The following WASF3 variants were observed in gnomAD, a reference collection of about 807,000 sequenced individuals.
The protein encoded by WASF3 is WASP family member 3.
In WASF3, 11 loss-of-function variants were observed where a neutral mutation model predicts 46.6. The ratio of observed to expected loss-of-function variants is 0.24; its 90% CI spans 0.15 to 0.39. The LOEUF is 0.39. Ranked by LOEUF, WASF3 falls within the 10% of genes least tolerant of loss-of-function variation. The pLI, the probability that WASF3 is intolerant of heterozygous loss-of-function variation, is 1.00. For missense variants in WASF3, 576 were observed against 669.8 expected, an observed-to-expected ratio of 0.86 and a Z score of 1.55; for synonymous variants, 242 against 259.7, an observed-to-expected ratio of 0.93 and a Z score of 0.65.
rs936264962 is a variant in WASF3, at chr13:26,687,968, A to G, written c.*2123A>G. On this transcript the variant is annotated 3_prime_UTR_variant, in exon 10 of 10. Coordinates refer to ENST00000335327, the MANE Select transcript of WASF3 (RefSeq NM_006646.6). ...TTTATTCTATTTATATCTTATTACAATAAAATTAGTGGCACTTTATTCATA... is the reference window on the plus strand; with the variant it reads ...TTTATTCTATTTATATCTTATTACAGTAAAATTAGTGGCACTTTATTCATA... The G allele has an allele frequency of 1.3e-5, 2 of 152,124 alleles. No homozygotes were observed. Among genetic ancestry groups the G allele is most frequent in the Non-Finnish European group, 2.9e-5 (2 of 68,018 alleles). The allele number at this position is 152,124 out of a possible 1,614,324, so 9.4% of individuals were successfully genotyped here.
At chr13:26,619,709 A>C (rs1306005112) in intron 2 of WASF3, among the ~76,000 whole-genome samples, 1 of 152,198 alleles carries the variant, frequency 6.6e-6, no homozygotes, top group Non-Finnish European at 1.5e-5. Flanking sequence ...TAAGATAATA[A>C]AATCTGATAT....
intron 7 of WASF3, 45 bp downstream of exon 7, chr13:26,676,769 TG>T: frequency 1.3e-6 from 2 of 1,557,272 alleles, no homozygotes; most frequent in Non-Finnish European, 1.7e-6. Flanking sequence ...CTTGGGCAAC[TG>T]GGTACTACCT....
intron 2 of WASF3, among the ~76,000 whole-genome samples, chr13:26,630,666 T>C (rs1338854575): frequency 6.6e-6 from 1 of 152,234 alleles, no homozygotes; most frequent in Non-Finnish European, 1.5e-5. Context: ...ATCCTTTGGG[T>C]ATATACCCAG....
chr13:26,554,036 TTTCTTTCC>T (rs1233299743), upstream of WASF3, among the ~76,000 whole-genome samples: 481 of 71,334 alleles, frequency 6.7e-3, 23 homozygotes, highest in Admixed American at 0.012. Flanking sequence ...CTTCTTTCTC[TTTCTTTCC>T]TTCCTTCCTT....
Position 26,654,030 on chromosome 13 carries a change from C to T in WASF3, c.134-10998C>T, listed in dbSNP as rs188570425. On this transcript the variant is annotated intron_variant, in intron 3 of 9. Transcript: ENST00000335327. Reference sequence around the variant, plus strand: ...AGTCCAATAGTGAAATGACGTCAGTCATCTTCAAAATGTGTAGCAAGTCTG... The same window carrying T: ...AGTCCAATAGTGAAATGACGTCAGTTATCTTCAAAATGTGTAGCAAGTCTG... Among the ~76,000 whole-genome samples the T allele has an allele frequency of 5.9e-5, 9 of 152,294 alleles. No individual in the cohort carries two copies. The East Asian group carries it at 1.5e-3, about 26-fold the overall frequency.
At chr13:26,637,219 G>A (rs927561930) in intron 2 of WASF3, among the ~76,000 whole-genome samples, 1 of 152,222 alleles carries the variant, frequency 6.6e-6, no homozygotes, top group African/African-American at 2.4e-5. Context: ...CTGCTGCCCT[G>A]TAGGGGAGAG....
In WASF3 at chr13:26,672,629, A is replaced by G. The variant is rs1882953365; in HGVS notation, c.540+640A>G. 2.0e-5 allele frequency among the ~76,000 whole-genome samples: 3 copies of G among 152,362 alleles called. No homozygotes were observed. In the South Asian group the frequency reaches 6.2e-4, roughly 32 times the overall value. Reference sequence around the variant, plus strand: ...TGGGCCCAGAAATTAGACTTAGGCCACTGAGAGGAATAATTCTCTAAGGGC... The same window carrying G: ...TGGGCCCAGAAATTAGACTTAGGCCGCTGAGAGGAATAATTCTCTAAGGGC... On this transcript the variant is annotated intron_variant, in intron 6 of 9. Coordinates refer to ENST00000335327, the MANE Select transcript of WASF3 (RefSeq NM_006646.6).
chr13:26,592,105 G>A (rs931621981), intron 1 of WASF3, among the ~76,000 whole-genome samples: 2 of 147,040 alleles, frequency 1.4e-5, no homozygotes, highest in Non-Finnish European at 3.0e-5. Flanking sequence ...GGACCAATAA[G>A]CTTTGCTGAA....
chr13:26,661,176 C>T (rs1593176118), intron 3 of WASF3, among the ~76,000 whole-genome samples: 1 of 152,334 alleles, frequency 6.6e-6, no homozygotes, highest in South Asian at 2.1e-4. Flanking sequence ...CACGCTGTAG[C>T]AAGTAATGTT....
At chr13:26,618,470 C>G (rs1881206669) in intron 2 of WASF3, among the ~76,000 whole-genome samples, 1 of 151,938 alleles carries the variant, frequency 6.6e-6, no homozygotes, top group African/African-American at 2.4e-5. Flanking sequence ...CGCTCTCTCT[C>G]TCTCCCCACC....
At position 26,603,434 on chromosome 13, in the gene WASF3, G is replaced by T. The variant is rs139820791; in HGVS notation, c.-108-9527G>T. The stretch of plus-strand genomic sequence containing the variant: ...GTTTGGTTGAGCAGGTGCTCAGGAG[G>T]CAATAGGAAGTCAGAGACCAGGGAT... On this transcript the variant is annotated intron_variant, in intron 1 of 9. Coordinates refer to ENST00000335327, the MANE Select transcript of WASF3 (RefSeq NM_006646.6). Among the ~76,000 whole-genome samples, 860 of 152,302 alleles carry T rather than the reference G, an allele frequency of 5.6e-3. 10 individuals are homozygous for T. The highest frequency in any genetic ancestry group is 0.02 in the African/African-American group (819 of 41,566).
intron 2 of WASF3, among the ~76,000 whole-genome samples, chr13:26,623,357 T>A (rs1211392475): frequency 6.6e-6 from 1 of 152,080 alleles, no homozygotes; most frequent in Non-Finnish European, 1.5e-5. Context: ...CCCACAGCCT[T>A]CTCTCCTATG....
intron 1 of WASF3, among the ~76,000 whole-genome samples, chr13:26,558,426 G>C (rs2137131822): frequency 6.6e-6 from 1 of 152,302 alleles, no homozygotes; most frequent in Admixed American, 6.5e-5. Flanking sequence ...CCGGACTCTT[G>C]GAGTGCAGGG....
intron 6 of WASF3, among the ~76,000 whole-genome samples, chr13:26,673,468 A>C (rs1882978119): frequency 6.6e-6 from 1 of 152,204 alleles, no homozygotes; most frequent in Non-Finnish European, 1.5e-5. Context: ...AGAGGACAAT[A>C]TAGTGAGGGA....
At chr13:26,608,480 G>A (rs1213349049) in intron 1 of WASF3, among the ~76,000 whole-genome samples, 1 of 152,214 alleles carries the variant, frequency 6.6e-6, no homozygotes, top group Non-Finnish European at 1.5e-5. Context: ...GCTTACAGCA[G>A]TATCTCTTCT....
At chr13:26,667,831 A>G (rs1164540813) in intron 5 of WASF3, among the ~76,000 whole-genome samples, 161 bp downstream of exon 5, 1 of 152,226 alleles carries the variant, frequency 6.6e-6, no homozygotes, top group East Asian at 1.9e-4. Context: ...ATTATATACA[A>G]TGAAACTACT....
intron 2 of WASF3, among the ~76,000 whole-genome samples, chr13:26,632,586 A>G (rs1881685483): frequency 6.6e-6 from 1 of 152,180 alleles, no homozygotes; most frequent in South Asian, 2.1e-4. Flanking sequence ...GTATTTTATT[A>G]AGGATTTTCA....
intron 1 of WASF3, among the ~76,000 whole-genome samples, chr13:26,562,499 TA>T (rs1363313298): frequency 1.3e-5 from 2 of 152,010 alleles, no homozygotes; most frequent in East Asian, 1.9e-4. Context: ...TGCTGGTGGT[TA>T]GGGGTGGTTA....
intron 1 of WASF3, among the ~76,000 whole-genome samples, chr13:26,560,600 A>G (rs1482017500): frequency 6.6e-6 from 1 of 152,238 alleles, no homozygotes; most frequent in Admixed American, 6.5e-5. Flanking sequence ...CAAGATGTTC[A>G]TAGTCTACCA....
Sources: gnomAD v4.1 joint callset for allele counts (sites outside exome capture counted in the v4.1 genomes callset) on GRCh38, gnomAD v4.1.1 for gene constraint, MANE v1.5 for transcripts, NCBI Gene and HGNC (gene_info 2026-07-23, HGNC 2026-07-21) for gene names.